LMO7: variants seen among roughly 807,000 people sequenced by gnomAD.
LMO7 encodes LIM domain only protein 7.
A neutral mutation model predicts 206.5 loss-of-function variants in LMO7; 120 were observed. The ratio of observed to expected loss-of-function variants is 0.58; its 90% CI spans 0.50 to 0.68. LMO7 has a LOEUF of 0.68. LMO7 is among the 30% of genes least tolerant of loss of function. LMO7 has a pLI of 0.00. For missense variants in LMO7, 1,959 were observed against 1,957.9 expected, an observed-to-expected ratio of 1.00 and a Z score of -0.01; for synonymous variants, 706 against 681.5, an observed-to-expected ratio of 1.04 and a Z score of -0.56.
At chr13:75,686,521 C>G (rs1344983715) in intron 1 of LMO7, among the ~76,000 whole-genome samples, 1 of 125,402 alleles carries the variant, frequency 8.0e-6, no homozygotes, top group Non-Finnish European at 1.8e-5. Flanking sequence ...CTGGCCCTAT[C>G]TTACCTTTTT....
At chr13:75,717,527 T>C (rs1009893403) in intron 2 of LMO7, among the ~76,000 whole-genome samples, 5 of 151,806 alleles carry the variant, frequency 3.3e-5, no homozygotes, top group African/African-American at 9.7e-5. Context: ...AGTATCTGCC[T>C]AAAAATACTG....
chr13:75,677,388 A>G (rs138174377), intron 1 of LMO7, among the ~76,000 whole-genome samples: 10 of 152,376 alleles, frequency 6.6e-5, no homozygotes, highest in Non-Finnish European at 1.3e-4. Context: ...AAGCTATATC[A>G]TATTTAGAAA....
intron 3 of LMO7, among the ~76,000 whole-genome samples, chr13:75,729,569 G>A (rs1292589012): frequency 6.6e-6 from 1 of 151,572 alleles, no homozygotes; most frequent in Admixed American, 6.6e-5. Flanking sequence ...CATGTCATCT[G>A]CAAACAGGGA....
chr13:75,634,754 A>T (rs188781193), upstream of LMO7, among the ~76,000 whole-genome samples: 3 of 151,922 alleles, frequency 2.0e-5, no homozygotes, highest in African/African-American at 7.3e-5. Context: ...ACAAACAAAC[A>T]AACAAGAACT....
intron 27 of LMO7, among the ~76,000 whole-genome samples, chr13:75,851,264 AAAG>A (rs2060484466): frequency 6.6e-6 from 1 of 152,242 alleles, no homozygotes; most frequent in Non-Finnish European, 1.5e-5. Context: ...ATTAAATGGA[AAAG>A]AAGTTATTGA....
intron 1 of LMO7, among the ~76,000 whole-genome samples, chr13:75,687,801 T>C (rs2041140056): frequency 6.6e-6 from 1 of 152,224 alleles, no homozygotes; most frequent in Admixed American, 6.5e-5. Flanking sequence ...TAATCCATTA[T>C]GAACAGCAAT....
upstream of LMO7, among the ~76,000 whole-genome samples, chr13:75,633,613 A>G (rs1257590834): frequency 1.3e-5 from 2 of 152,144 alleles, no homozygotes; most frequent in Non-Finnish European, 1.5e-5. Flanking sequence ...TGTCATTCCA[A>G]AAAAAGGGGG....
rs2061128881 is a variant in LMO7, at chr13:75,858,478, CA to C, written c.*536del. The C allele has an allele frequency of 6.6e-6, 1 of 152,492 alleles. No individual in the cohort carries two copies. The highest frequency in any genetic ancestry group is 6.5e-5 in the Admixed American group (1 of 15,274). 9.4% of individuals were successfully genotyped at this position (152,492 alleles called of 1,614,324 possible). Reference sequence around the variant, plus strand: ...CCTATTATTCTGATTTTTAAAAATGCAGTTAATGTACCATTTATTTGCTTGA... The same window carrying C: ...CCTATTATTCTGATTTTTAAAAATGCGTTAATGTACCATTTATTTGCTTGA... On this transcript the variant is annotated 3_prime_UTR_variant, in exon 31 of 31. Transcript: ENST00000377534.
chr13:75,649,228 G>C (rs113484566), intron 1 of LMO7, among the ~76,000 whole-genome samples: 3 of 152,260 alleles, frequency 2.0e-5, no homozygotes, highest in African/African-American at 7.2e-5. Flanking sequence ...GATGATGTTA[G>C]AATCTGTTTT....
chr13:75,784,177 G>C (rs145609222), intron 4 of LMO7, among the ~76,000 whole-genome samples: 1 of 152,118 alleles, frequency 6.6e-6, no homozygotes, highest in East Asian at 1.9e-4. Context: ...GTTTCCCCCC[G>C]AAGCAGAGAA....
chr13:75,792,008 C>T (rs1308620585), intron 4 of LMO7, among the ~76,000 whole-genome samples: 2 of 152,182 alleles, frequency 1.3e-5, no homozygotes, highest in African/African-American at 4.8e-5. Flanking sequence ...CGCTTTGTCA[C>T]CCAGCCTGGA....
intron 2 of LMO7, among the ~76,000 whole-genome samples, chr13:75,717,977 T>C (rs1404628781): frequency 1.3e-5 from 2 of 152,264 alleles, no homozygotes; most frequent in East Asian, 1.9e-4. Context: ...TTTCAAGTAA[T>C]ATAAGCTTTG....
intron 2 of LMO7, among the ~76,000 whole-genome samples, chr13:75,624,230 C>T (rs2033728968): frequency 6.6e-6 from 1 of 152,218 alleles, no homozygotes; most frequent in Admixed American, 6.5e-5. Context: ...AAGGTTTCCA[C>T]ACTTCAGGAG....
intron 2 of LMO7, among the ~76,000 whole-genome samples, chr13:75,724,111 A>G (rs1318672191): frequency 6.6e-6 from 1 of 152,032 alleles, no homozygotes; most frequent in Non-Finnish European, 1.5e-5. Context: ...CAGGGTTAGG[A>G]TTTCAAAGTA....
intron 1 of LMO7, among the ~76,000 whole-genome samples, chr13:75,681,329 A>C (rs1410804632): frequency 1.3e-5 from 2 of 152,138 alleles, no homozygotes; most frequent in African/African-American, 4.8e-5. Flanking sequence ...ATCTTGAGTT[A>C]TTAATGCTCA....
chr13:75,838,797 A>G (rs1214362401), intron 20 of LMO7, among the ~76,000 whole-genome samples: 3 of 152,192 alleles, frequency 2.0e-5, no homozygotes, highest in Non-Finnish European at 4.4e-5. Context: ...GTAGTTGGGC[A>G]GGGCTGCCTC....
chr13:75,659,386 A>C (rs768971515), intron 1 of LMO7, among the ~76,000 whole-genome samples: 1 of 152,220 alleles, frequency 6.6e-6, no homozygotes, highest in Non-Finnish European at 1.5e-5. Flanking sequence ...GTCTATTTTC[A>C]TGCTGCTGAT....
chr13:75,750,095 C>T (rs2047153497), intron 3 of LMO7, among the ~76,000 whole-genome samples: 1 of 151,568 alleles, frequency 6.6e-6, no homozygotes, highest in Admixed American at 6.6e-5. Context: ...AAAGCACACA[C>T]AACTGCTTTC....
At chr13:75,839,196 A>T (rs147635776) in intron 20 of LMO7, among the ~76,000 whole-genome samples, 1 of 152,134 alleles carries the variant, frequency 6.6e-6, no homozygotes, top group Non-Finnish European at 1.5e-5. Flanking sequence ...CTGTTTTTCT[A>T]TGGCTATTTA....
Sources: allele counts gnomAD v4.1 joint callset (sites outside exome capture counted in the v4.1 genomes callset), GRCh38; gene constraint gnomAD v4.1.1; transcripts MANE v1.5; gene names NCBI Gene and HGNC (gene_info 2026-07-23, HGNC 2026-07-21).